The following CSNK1G3 variants were observed in gnomAD, a reference collection of about 807,000 sequenced individuals.
The protein encoded by CSNK1G3 is casein kinase I isoform gamma-3.
A neutral mutation model predicts 64.3 loss-of-function variants in CSNK1G3; 23 were observed. The observed-to-expected ratio is 0.36, with a 90% CI of 0.26 to 0.51. CSNK1G3 has a LOEUF of 0.51. Among genes scored for constraint, CSNK1G3 ranks in the 20% least tolerant of loss-of-function variants. The pLI, the probability that CSNK1G3 is intolerant of heterozygous loss-of-function variation, is 0.96. For synonymous variants in CSNK1G3, 158 were observed against 162.2 expected, an observed-to-expected ratio of 0.97 and a Z score of 0.20; for missense variants, 357 against 510.5, an observed-to-expected ratio of 0.70 and a Z score of 2.90.
chr5:123,566,179 A>T (rs962008304), intron 4 of CSNK1G3, among the ~76,000 whole-genome samples: 1 of 152,168 alleles, frequency 6.6e-6, no homozygotes, highest in Non-Finnish European at 1.5e-5. Context: ...GTGTGACCTA[A>T]TTTTGTTTTG....
intron 1 of CSNK1G3, among the ~76,000 whole-genome samples, chr5:123,519,972 T>C (rs1777808864): frequency 6.6e-6 from 1 of 152,232 alleles, no homozygotes; most frequent in Admixed American, 6.5e-5. Context: ...CAGATACCTG[T>C]GTTCTTAGGC....
intron 12 of CSNK1G3, among the ~76,000 whole-genome samples, chr5:123,605,724 A>G (rs1447268015): frequency 6.6e-6 from 1 of 152,058 alleles, no homozygotes; most frequent in Non-Finnish European, 1.5e-5. Flanking sequence ...TCTCTTTGCA[A>G]TTGTTAAATA....
intron 1 of CSNK1G3, among the ~76,000 whole-genome samples, chr5:123,517,686 C>G (rs150549542): frequency 6.6e-6 from 1 of 152,052 alleles, no homozygotes; most frequent in African/African-American, 2.4e-5. Flanking sequence ...GAACTTTCTT[C>G]GATAGACCCA....
intron 4 of CSNK1G3, among the ~76,000 whole-genome samples, chr5:123,563,815 A>C (rs1786268337): frequency 6.6e-6 from 1 of 152,120 alleles, no homozygotes; most frequent in Non-Finnish European, 1.5e-5. Flanking sequence ...TGTAAAAAGC[A>C]TGAAAGTTAA....
chr5:123,534,191 A>G (rs1046701166), intron 1 of CSNK1G3, among the ~76,000 whole-genome samples: 18 of 152,096 alleles, frequency 1.2e-4, no homozygotes, highest in Non-Finnish European at 2.5e-4. Context: ...ACTGCATATT[A>G]TATAAGAATA....
chr5:123,602,912 C>T (rs1794735679), intron 10 of CSNK1G3, among the ~76,000 whole-genome samples: 1 of 152,086 alleles, frequency 6.6e-6, no homozygotes. Context: ...TTGATCTCAT[C>T]TCACCCTCAT....
chr5:123,614,298 T>C (rs1265825748), intron 12 of CSNK1G3, 44 bp from the exon 14 acceptor site: 4 of 1,585,372 alleles, frequency 2.5e-6, no homozygotes. Context: ...CTTTGTGATA[T>C]TTTAGTGCTT....
chr5:123,530,246 A>G (rs1453909613), intron 1 of CSNK1G3, among the ~76,000 whole-genome samples: 2 of 152,182 alleles, frequency 1.3e-5, no homozygotes, highest in Non-Finnish European at 2.9e-5. Context: ...AAACGGTCGT[A>G]TTGTAGTTAC....
chr5:123,606,465 T>C (rs1345740574), intron 12 of CSNK1G3, among the ~76,000 whole-genome samples: 3 of 152,178 alleles, frequency 2.0e-5, no homozygotes, highest in Admixed American at 1.3e-4. Flanking sequence ...ATCCTGTTTC[T>C]GCCACTTATT....
intron 3 of CSNK1G3, among the ~76,000 whole-genome samples, chr5:123,556,517 T>C (rs1784650690): frequency 6.6e-6 from 1 of 152,060 alleles, no homozygotes; most frequent in East Asian, 1.9e-4. Flanking sequence ...TTTTTCTGTC[T>C]GCCTTACAGT....
chr5:123,517,156 A>G lies in CSNK1G3; in HGVS notation c.-248+4586A>G, dbSNP rs367933138. 7.2e-5 allele frequency among the ~76,000 whole-genome samples: 11 copies of G among 152,250 alleles called. No individual in the cohort carries two copies. The East Asian group carries it at 1.7e-3, about 24-fold the overall frequency. On this transcript the variant is annotated intron_variant, in intron 1 of 12. Transcript: ENST00000345990. ...TCTCGGGAACACCCTATTACAGGAA[A>G]ATCTCTCATACCTGACCTCTGCTTA...
chr5:123,599,084 C>T (rs1454047509), intron 10 of CSNK1G3, among the ~76,000 whole-genome samples: 1 of 152,130 alleles, frequency 6.6e-6, no homozygotes, highest in African/African-American at 2.4e-5. Flanking sequence ...ATCTCTAATT[C>T]CATTTTAGCT....
intron 1 of CSNK1G3, among the ~76,000 whole-genome samples, chr5:123,531,608 A>G (rs1779951817): frequency 6.6e-6 from 1 of 152,026 alleles, no homozygotes; most frequent in Non-Finnish European, 1.5e-5. Context: ...ATTTATATTC[A>G]TTCTCAAAGA....
chr5:123,604,326 G>C (rs1794981324), intron 10 of CSNK1G3, among the ~76,000 whole-genome samples: 1 of 152,038 alleles, frequency 6.6e-6, no homozygotes, highest in Non-Finnish European at 1.5e-5. Flanking sequence ...CCATTAGAAG[G>C]AGTAATATTG....
intron 2 of CSNK1G3, among the ~76,000 whole-genome samples, chr5:123,549,217 A>T (rs532041320): frequency 4.6e-5 from 7 of 152,258 alleles, no homozygotes; most frequent in Admixed American, 4.6e-4. Context: ...AGGCAGTCAA[A>T]CTCCTAGGAA....
chr5:123,522,012 C>A (rs979434629), intron 1 of CSNK1G3, among the ~76,000 whole-genome samples: 2 of 152,130 alleles, frequency 1.3e-5, no homozygotes, highest in Non-Finnish European at 2.9e-5. Context: ...ACTAATTTCT[C>A]CTTCTTTTTA....
chr5:123,548,855 A>AT (rs1783098485), intron 2 of CSNK1G3, among the ~76,000 whole-genome samples: 1 of 152,234 alleles, frequency 6.6e-6, no homozygotes, highest in Non-Finnish European at 1.5e-5. Flanking sequence ...GAAAATGGGC[A>AT]TTTTATAGAC....
intron 6 of CSNK1G3, among the ~76,000 whole-genome samples, chr5:123,579,161 T>G (rs1789757148): frequency 6.6e-6 from 1 of 151,968 alleles, no homozygotes. Flanking sequence ...CTATAGAGCA[T>G]GTCCCTGCTC....
chr5:123,586,540 T>C (rs1288071272), intron 6 of CSNK1G3, among the ~76,000 whole-genome samples: 1 of 152,156 alleles, frequency 6.6e-6, no homozygotes, highest in Non-Finnish European at 1.5e-5. Flanking sequence ...TTACATTTTA[T>C]AATAAAAAGT....
Sources: allele counts gnomAD v4.1 joint callset (sites outside exome capture counted in the v4.1 genomes callset), GRCh38; gene constraint gnomAD v4.1.1; transcripts MANE v1.5; gene names NCBI Gene and HGNC (gene_info 2026-07-23, HGNC 2026-07-21).